Variants in AMBRA1 observed in about 807,000 individuals in gnomAD.
AMBRA1 encodes the protein autophagy and beclin 1 regulator 1.
A neutral mutation model predicts 125.4 loss-of-function variants in AMBRA1; 47 were observed. The observed-to-expected ratio is 0.37, with a 90% CI of 0.30 to 0.48. AMBRA1 has a LOEUF of 0.48. AMBRA1 is among the 20% of genes least tolerant of loss of function. AMBRA1 has a pLI of 0.99. For synonymous variants in AMBRA1, 626 were observed against 655.5 expected (o/e 0.95, Z 0.69); for missense variants, 1,331 against 1,693.4 (o/e 0.79, Z 3.76).
At chr11:46,582,898 T>C (rs542259008) in intron 1 of AMBRA1, among the ~76,000 whole-genome samples, 1 of 149,970 alleles carries the variant, frequency 6.7e-6, no homozygotes, top group East Asian at 2.0e-4. Flanking sequence ...AATCAAGAAA[T>C]AGTTGTAAAA....
In AMBRA1 at chr11:46,593,883, G is replaced by GA. The variant is rs1306955346; in HGVS notation, c.-177dup. 7.5e-6 allele frequency: 3 copies of GA among 398,210 alleles called. No homozygotes were observed. Among genetic ancestry groups the GA allele is most frequent in the Non-Finnish European group, 1.3e-5 (3 of 226,028 alleles). 24.7% of individuals were successfully genotyped at this position (398,210 alleles called of 1,614,324 possible). On this transcript the variant is annotated 5_prime_UTR_variant, in exon 1 of 18. Transcript: ENST00000683756. ...TCCAGCGAACGGGCTGAGCCACAGG[G>GA]AAAAAGAAAGAGGAGACAGGAATAA...
At chr11:46,404,606 G>C (rs1249785599) in intron 17 of AMBRA1, among the ~76,000 whole-genome samples, 3 of 152,174 alleles carry the variant, frequency 2.0e-5, no homozygotes, top group Non-Finnish European at 4.4e-5. Flanking sequence ...AGAGCATGCA[G>C]GGATGCAGGC....
intron 1 of AMBRA1, 70 bp from the exon 2 acceptor site, chr11:46,548,570 C>G (rs917748780): frequency 1.6e-6 from 1 of 624,802 alleles, no homozygotes; most frequent in Non-Finnish European, 2.6e-6. Flanking sequence ...AAATACAATT[C>G]TAGCTCAAAA....
chr11:46,446,797 G>A (rs555154058), intron 11 of AMBRA1, among the ~76,000 whole-genome samples: 11 of 152,326 alleles, frequency 7.2e-5, no homozygotes, highest in African/African-American at 2.6e-4. Flanking sequence ...CAGGGTAGGT[G>A]CTCTTAGCAC....
chr11:46,562,233 C>G (rs988017498), intron 1 of AMBRA1, among the ~76,000 whole-genome samples: 1 of 152,010 alleles, frequency 6.6e-6, no homozygotes, highest in African/African-American at 2.4e-5. Flanking sequence ...AAAAATATTT[C>G]AAGGAGGATG....
At position 46,548,485 on chromosome 11, in the gene AMBRA1, T is replaced by C; in HGVS notation, c.-105A>G. On this transcript the variant is annotated 5_prime_UTR_variant, in exon 2 of 18. Transcript: ENST00000683756. ...ATGAGGCCATACAGGTCCTTGTAAGTTGTCCTCATGGAAATCTTAAGGAAC... is the reference window on the plus strand; with the variant it reads ...ATGAGGCCATACAGGTCCTTGTAAGCTGTCCTCATGGAAATCTTAAGGAAC... The C allele has an allele frequency of 7.1e-7, 1 of 1,405,752 alleles. No homozygotes were observed. Among genetic ancestry groups the C allele is most frequent in the Non-Finnish European group, 9.6e-7 (1 of 1,043,764 alleles). The allele number at this position is 1,405,752 out of a possible 1,614,324, so 87.1% of individuals were successfully genotyped here. A position where few individuals can be genotyped will look rare whatever the true frequency, so the allele number is the denominator to read the frequency against.
At chr11:46,534,616 G>T (rs1056159697) in intron 7 of AMBRA1, among the ~76,000 whole-genome samples, 1 of 152,156 alleles carries the variant, frequency 6.6e-6, no homozygotes, top group Non-Finnish European at 1.5e-5. Flanking sequence ...AACTCTCAGC[G>T]TTATTAGGAA....
chr11:46,489,091 GT>G (rs1296775017), intron 11 of AMBRA1, among the ~76,000 whole-genome samples: 1 of 151,962 alleles, frequency 6.6e-6, no homozygotes, highest in African/African-American at 2.4e-5. Context: ...TACACTTTAA[GT>G]TTTAGGGTAC....
At position 46,552,368 on chromosome 11, in the gene AMBRA1, C is replaced by CAAAA. The variant is rs56090695; in HGVS notation, c.-120-3872_-120-3869dup. On this transcript the variant is annotated intron_variant, in intron 1 of 17. Coordinates refer to ENST00000683756, the MANE Select transcript of AMBRA1 (RefSeq NM_001387011.1). ...TGAGTGACAGAGTGAGACTCCATCT[C>CAAAA]AAAAAAAAAAAAAAAAAAAAAAAAA... Among the ~76,000 whole-genome samples the CAAAA allele has an allele frequency of 2.5e-4, 3 of 11,992 alleles. 1 individual carries two copies. Among genetic ancestry groups the CAAAA allele is most frequent in the Non-Finnish European group, 3.4e-4 (2 of 5,876 alleles). 7.9% of individuals were successfully genotyped at this position (11,992 alleles called of 152,430 possible).
intron 11 of AMBRA1, among the ~76,000 whole-genome samples, chr11:46,452,283 T>C (rs1450318936): frequency 6.6e-6 from 1 of 152,218 alleles, no homozygotes. Context: ...ATCTTTTAGA[T>C]GGTCTACTAG....
chr11:46,520,644 G>A (rs1386232480), intron 7 of AMBRA1, among the ~76,000 whole-genome samples: 1 of 148,064 alleles, frequency 6.8e-6, no homozygotes, highest in Non-Finnish European at 1.5e-5. Context: ...CACCAAGGCT[G>A]GAGTGCAGTG....
intron 1 of AMBRA1, among the ~76,000 whole-genome samples, chr11:46,581,404 C>G (rs940435136): frequency 6.6e-6 from 1 of 151,870 alleles, no homozygotes; most frequent in Non-Finnish European, 1.5e-5. Context: ...GTCAGGAGAT[C>G]GAGACCATCC....
rs971996628 is a variant in AMBRA1, at chr11:46,419,361, A to G, written c.2977-1309T>C. On this transcript the variant is annotated intron_variant, in intron 14 of 17. Coordinates refer to ENST00000683756, the MANE Select transcript of AMBRA1 (RefSeq NM_001387011.1). ...ATAAAAGACATGGGCTTTAGAGTTA[A>G]TAAGACTTGGGTTCGAGTCCTGATG... 2.0e-5 allele frequency among the ~76,000 whole-genome samples: 3 copies of G among 152,324 alleles called. No homozygotes were observed. In the South Asian group the frequency reaches 6.2e-4, roughly 32 times the overall value.
Position 46,467,612 on chromosome 11 carries a change from G to A in AMBRA1, c.2522-24014C>T, listed in dbSNP as rs554643658. ...TGCCCAGGCTAGAGTGCACTGGCAC[G>A]ATCTCAGCTCACTGCAACCTCTGCC... is the stretch of plus-strand genomic sequence containing the variant. On this transcript the variant is annotated intron_variant, in intron 11 of 17. Coordinates refer to ENST00000683756, the MANE Select transcript of AMBRA1 (RefSeq NM_001387011.1). Among the ~76,000 whole-genome samples the A allele has an allele frequency of 1.1e-4, 16 of 148,194 alleles. No homozygotes were observed. The East Asian group carries it at 1.6e-3, about 15-fold the overall frequency.
chr11:46,559,331 C>G (rs1026055486), intron 1 of AMBRA1, among the ~76,000 whole-genome samples: 1 of 151,704 alleles, frequency 6.6e-6, no homozygotes, highest in Admixed American at 6.6e-5. Context: ...AAAGTAAAGA[C>G]AAGGCTTTGC....
chr11:46,583,677 A>AAAAAAAAAAAAAAAAAAAAAC (rs1565324615), intron 1 of AMBRA1, among the ~76,000 whole-genome samples: 3 of 143,832 alleles, frequency 2.1e-5, no homozygotes, highest in African/African-American at 8.0e-5. Context: ...AAAAAAAAAA[A>AAAAAAAAAAAAAAAAAAAAAC]AACAACAAAA....
intron 9 of AMBRA1, among the ~76,000 whole-genome samples, chr11:46,494,411 C>G (rs149577769): frequency 2.8e-4 from 43 of 152,230 alleles, no homozygotes; most frequent in African/African-American, 1.0e-3. Context: ...GAGCATTTAC[C>G]AACAGCTCAG....
chr11:46,409,065 G>A lies in AMBRA1; in HGVS notation c.3210-359C>T, dbSNP rs145888214. ...CAGGAGGCCAGTAGCTGAGATCATG[G>A]GATAAAGAGTGAGCACTAGAAGAAG... On this transcript the variant is annotated intron_variant, in intron 16 of 17. Coordinates refer to ENST00000683756, the MANE Select transcript of AMBRA1 (RefSeq NM_001387011.1). Among the ~76,000 whole-genome samples, 637 of 152,304 alleles carry A rather than the reference G, an allele frequency of 4.2e-3. 3 individuals carry two copies. The highest frequency in any genetic ancestry group is 0.013 in the African/African-American group (535 of 41,556).
At chr11:46,428,008 C>CAAAAA (rs57618324) in intron 14 of AMBRA1, among the ~76,000 whole-genome samples, 2 of 63,380 alleles carry the variant, frequency 3.2e-5, no homozygotes, top group African/African-American at 6.0e-5. Flanking sequence ...GACTCCATGT[C>CAAAAA]AAAAAAAAAA....
Sources: allele counts gnomAD v4.1 joint callset (sites outside exome capture counted in the v4.1 genomes callset), GRCh38; gene constraint gnomAD v4.1.1; transcripts MANE v1.5; gene names NCBI Gene and HGNC (gene_info 2026-07-23, HGNC 2026-07-21).